Variants in UBE2Q1 observed in about 807,000 individuals in gnomAD.
The protein encoded by UBE2Q1 is ubiquitin conjugating enzyme E2 Q1, also known as ubiquitin-conjugating enzyme E2 Q1.
UBE2Q1 carries 6 observed loss-of-function variants against 60.1 expected under a neutral mutation model. The ratio of observed to expected loss-of-function variants is 0.10; its 90% CI spans 0.05 to 0.20. UBE2Q1 has a LOEUF of 0.20. Ranked by LOEUF, UBE2Q1 falls within the 10% of genes least tolerant of loss-of-function variation. UBE2Q1 has a pLI of 1.00. For synonymous variants in UBE2Q1, 226 were observed against 208.3 expected, an observed-to-expected ratio of 1.09 and a Z score of -0.73; for missense variants, 262 against 525.8, an observed-to-expected ratio of 0.50 and a Z score of 4.91.
chr1:154,551,567 A>T, intron 10 of UBE2Q1, 75 bp from the exon 11 acceptor site: 1 of 1,535,016 alleles, frequency 6.5e-7, no homozygotes, highest in Non-Finnish European at 9.0e-7. Flanking sequence ...TCCTCTGGGC[A>T]ATCAGCTGTG....
At chr1:154,550,619 G>A in intron 12 of UBE2Q1, 150 bp from the exon 13 acceptor site, 1 of 1,505,830 alleles carries the variant, frequency 6.6e-7, no homozygotes. Context: ...GAAGCTGAGA[G>A]CCTGCATACC....
chr1:154,558,479 C>G lies in UBE2Q1; in HGVS notation c.75G>C (p.Pro25=). The part of the protein sequence containing the change: ...GQQLGGQGAA[P]GAGGGPGGGP... ...CCCCCCCTGGGCCGCCCCCGGCCCC[C>G]GGCGCCGCCCCCTGGCCCCCCAGCT... The change falls in exon 1 of 13, where the codon CCG becomes CCC. Residue 25 remains proline, a synonymous_variant. Transcript: ENST00000292211. 1 of 1,277,264 alleles carries G rather than the reference C, an allele frequency of 7.8e-7. No homozygotes were observed. Among genetic ancestry groups the G allele is most frequent in the East Asian group, 3.3e-5 (1 of 30,396 alleles). The allele number at this position is 1,277,264 out of a possible 1,614,324, so 79.1% of individuals were successfully genotyped here.
Position 154,552,603 on chromosome 1 carries a change from G to A in UBE2Q1, c.814+133C>T, listed in dbSNP as rs377680876. On this transcript the variant is annotated intron_variant, in intron 6 of 12. Transcript: ENST00000292211. ...CAGATGGACATGCAACCAAGCCACTGGCTTGAGGAGCTCCATTCTTGGCCT... is the reference window on the plus strand; with the variant it reads ...CAGATGGACATGCAACCAAGCCACTAGCTTGAGGAGCTCCATTCTTGGCCT... The A allele has an allele frequency of 3.0e-5, 43 of 1,420,666 alleles. No homozygotes were observed. In the East Asian group the frequency reaches 4.8e-4, roughly 16 times the overall value. 88.0% of individuals were successfully genotyped at this position (1,420,666 alleles called of 1,614,324 possible).
Position 154,551,819 on chromosome 1 carries a change from C to A in UBE2Q1, c.1026G>T (p.Gly342=), listed in dbSNP as rs569518271. 3.1e-6 allele frequency: 5 copies of A among 1,614,206 alleles called. No individual in the cohort carries two copies. The highest frequency in any genetic ancestry group is 1.6e-4 in the Middle Eastern group (1 of 6,062). The part of the protein sequence containing the change: ...VRVVSPVLSG[G]YVLGGGAICM... ...AGATGGCCCCTCCGCCCAGAACATA[C>A]CTGCATGAGAAAGGTTAGTCAGCTG... The change falls in exon 10 of 13, where the codon GGG becomes GGT. Residue 342 remains glycine, a splice_region_variant and synonymous_variant. Transcript: ENST00000292211.
chr1:154,558,603 GCGCTCCGGGCTCCGCCGC>G lies in UBE2Q1; in HGVS notation c.-68_-51del. On this transcript the variant is annotated 5_prime_UTR_variant, in exon 1 of 13. Transcript: ENST00000292211. Reference sequence around the variant, plus strand: ...CCGGCGGGCCGGGAGCCTCCGGCCTGCGCTCCGGGCTCCGCCGCCGCCGCCGCCGCCGCCGCCGCCGCC... The same window carrying G: ...CCGGCGGGCCGGGAGCCTCCGGCCTGCGCCGCCGCCGCCGCCGCCGCCGCC... 9.0e-6 allele frequency: 9 copies of G among 994,710 alleles called. No individual in the cohort carries two copies. The highest frequency in any genetic ancestry group is 9.4e-6 in the Non-Finnish European group (8 of 847,102). The allele number at this position is 994,710 out of a possible 1,614,324, so 61.6% of individuals were successfully genotyped here. A position where few individuals can be genotyped will look rare whatever the true frequency, so the allele number is the denominator to read the frequency against.
Position 154,550,526 on chromosome 1 carries a change from T to C in UBE2Q1, c.1238-57A>G, listed in dbSNP as rs374087326. ...AGGTTCAGGCCCACCCTCCCTGTCC[T>C]GCCCCAATCCCTGAAGACGTCTCCA... is the stretch of plus-strand genomic sequence containing the variant. On this transcript the variant is annotated intron_variant, in intron 12 of 12. Coordinates refer to ENST00000292211, the MANE Select transcript of UBE2Q1 (RefSeq NM_017582.7). 174 of 1,610,998 alleles carry C rather than the reference T, an allele frequency of 1.1e-4. No individual in the cohort carries two copies. The African/African-American group carries it at 1.6e-3, about 15-fold the overall frequency.
chr1:154,558,554 CCTCCGCTCCG>C lies in UBE2Q1; in HGVS notation c.-11_-2del, dbSNP rs569049313. 69 of 1,059,212 alleles carry C rather than the reference CCTCCGCTCCG, an allele frequency of 6.5e-5. No individual in the cohort carries two copies. The highest frequency in any genetic ancestry group is 2.2e-4 in the South Asian group (5 of 22,738). The allele number at this position is 1,059,212 out of a possible 1,614,324, so 65.6% of individuals were successfully genotyped here. On this transcript the variant is annotated 5_prime_UTR_variant, in exon 1 of 13. Transcript: ENST00000292211. ...GCCCCTGCGGCTGCGGCTGCTGCATCCTCCGCTCCGCTCCGCTCCGGGGCCGGCGGGCCGG... is the reference window on the plus strand; with the variant it reads ...GCCCCTGCGGCTGCGGCTGCTGCATCCTCCGCTCCGGGGCCGGCGGGCCGG...
chr1:154,551,171 C>T, intron 11 of UBE2Q1, 167 bp from the exon 12 acceptor site: 3 of 889,726 alleles, frequency 3.4e-6, no homozygotes, highest in Non-Finnish European at 3.5e-6. Flanking sequence ...GGCATAATCC[C>T]ATAGTCTTCC....
intron 6 of UBE2Q1, 46 bp downstream of exon 6, chr1:154,552,690 C>A: frequency 6.3e-7 from 1 of 1,598,298 alleles, no homozygotes; most frequent in Non-Finnish European, 8.5e-7. Context: ...CCATACCCTT[C>A]TTTATGGGTG....
At chr1:154,551,599 T>C in intron 10 of UBE2Q1, 107 bp from the exon 11 acceptor site, 1 of 1,463,332 alleles carries the variant, frequency 6.8e-7, no homozygotes, top group South Asian at 1.2e-5. Context: ...GCCCTTGCCC[T>C]TTGCCCCCAG....
rs980362602 is a variant in UBE2Q1 at position 154,549,370 on chromosome 1, A to C, written c.*1068T>G. On this transcript the variant is annotated 3_prime_UTR_variant, in exon 13 of 13. Coordinates refer to ENST00000292211, the MANE Select transcript of UBE2Q1 (RefSeq NM_017582.7). The stretch of plus-strand genomic sequence containing the variant: ...ACCCACCTTGTGGGAGTGGCTTGAA[A>C]GAATCCATAATTTCCCAAGCCAAAC... The C allele has an allele frequency of 6.6e-6, 1 of 152,258 alleles. No individual in the cohort carries two copies. Among genetic ancestry groups the C allele is most frequent in the East Asian group, 1.9e-4 (1 of 5,204 alleles). 9.4% of individuals were successfully genotyped at this position (152,258 alleles called of 1,614,324 possible).
At chr1:154,552,532 C>G (rs1432948062) in intron 6 of UBE2Q1, 68 bp from the exon 7 acceptor site, 1 of 1,563,296 alleles carries the variant, frequency 6.4e-7, no homozygotes, top group Non-Finnish European at 8.8e-7. Flanking sequence ...AATGCAGACC[C>G]CTTTCCCAGA....
chr1:154,558,153 C>G, intron 1 of UBE2Q1, 74 bp downstream of exon 1: 4 of 1,316,898 alleles, frequency 3.0e-6, no homozygotes, highest in South Asian at 3.1e-5. Context: ...CCTTCGAGAG[C>G]AAAAAGCTGG....
At chr1:154,550,870 T>C (rs1695780903) in intron 12 of UBE2Q1, 68 bp downstream of exon 12, 1 of 1,613,202 alleles carries the variant, frequency 6.2e-7, no homozygotes, top group African/African-American at 1.3e-5. Flanking sequence ...GTTCTTGCTC[T>C]GTGGCTGGAA....
chr1:154,551,290 G>A (rs981234678), intron 11 of UBE2Q1, 107 bp downstream of exon 11: 45 of 1,200,546 alleles, frequency 3.7e-5, no homozygotes, highest in Middle Eastern at 2.8e-4. Context: ...CCACCAGCCC[G>A]GGGGCCTTAT....
At chr1:154,551,336 AG>A (rs1173188619) in intron 11 of UBE2Q1, 60 bp downstream of exon 11, 4 of 1,549,174 alleles carry the variant, frequency 2.6e-6, no homozygotes, top group Non-Finnish European at 3.6e-6. Flanking sequence ...TTGGCCTGCT[AG>A]TGGCCCCAAG....
chr1:154,555,726 G>A (rs1695872730), intron 2 of UBE2Q1, 134 bp downstream of exon 2: 4 of 929,906 alleles, frequency 4.3e-6, no homozygotes, highest in East Asian at 2.6e-5. Context: ...GCTTCAGTAA[G>A]CAACTCCCCC....
In UBE2Q1 at chr1:154,558,544, G is replaced by A; in HGVS notation, c.10C>T (p.Pro4Ser). Residue 4 changes from proline to serine, a missense_variant, in exon 1 of 13, where the codon CCG (proline) becomes TCG (serine). Pro to Ser is a moderately conservative substitution (Grantham distance 74). Around this residue, in one of 5 missense-constraint regions of UBE2Q1, gnomAD observed 70 missense variants for 56.7 expected, o/e 1.24. Transcript: ENST00000292211. ...GGCTGCTGCTGCCCCTGCGGCTGCG[G>A]CTGCTGCATCCTCCGCTCCGCTCCG... MQQ[P>S]QPQGQQQPGP... The A allele has an allele frequency of 1.8e-6, 2 of 1,081,582 alleles. No individual in the cohort carries two copies. The highest frequency in any genetic ancestry group is 2.2e-6 in the Non-Finnish European group (2 of 898,528). The allele number at this position is 1,081,582 out of a possible 1,614,324, so 67.0% of individuals were successfully genotyped here.
At chr1:154,553,809 AAGG>A (rs1384113502) in intron 4 of UBE2Q1, 1 of 152,464 alleles carries the variant, frequency 6.6e-6, no homozygotes. Context: ...GAGCATAGGG[AAGG>A]AGGAGAACCT....
Sources: gnomAD v4.1 joint callset for allele counts on GRCh38, gnomAD v4.1.1 for gene constraint, gnomAD v4.1.1 regional missense constraint, MANE v1.5 for transcripts, NCBI Gene and HGNC (gene_info 2026-07-23, HGNC 2026-07-21) for gene names.